ASIC2: variants seen among roughly 807,000 people sequenced by gnomAD.
ASIC2 encodes acid-sensing ion channel 2.
In ASIC2, 25 loss-of-function variants were observed where a neutral mutation model predicts 57.3. That is an observed-to-expected ratio of 0.44 (90% CI 0.32 to 0.61). The LOEUF (loss-of-function observed/expected upper bound fraction) is 0.61, where lower values mean the gene tolerates loss of function less well. Ranked by LOEUF, ASIC2 falls within the 20% of genes least tolerant of loss-of-function variation. The pLI, the probability that ASIC2 is intolerant of heterozygous loss-of-function variation, is 0.06. For synonymous variants in ASIC2, 319 were observed against 307.5 expected (o/e 1.04, Z -0.39); for missense variants, 641 against 738.1 (o/e 0.87, Z 1.52).
intron 1 of ASIC2, chr17:33,792,838 G>A (rs139512376): frequency 6.6e-6 from 1 of 152,270 alleles, no homozygotes; most frequent in African/African-American, 2.4e-5. Context: ...TCAAGAGCTT[G>A]ACTTGAGGTC....
intron 1 of ASIC2, among the ~76,000 whole-genome samples, chr17:34,119,612 G>GACAC (rs71369048): frequency 0.18 from 26,880 of 147,808 alleles, 3,072 homozygotes; most frequent in African/African-American, 0.35. Flanking sequence ...TCTCTACACA[G>GACAC]ACACACACAC....
chr17:33,688,685 G>A (rs1449280657), intron 1 of ASIC2: 1 of 152,224 alleles, frequency 6.6e-6, no homozygotes, highest in Non-Finnish European at 1.5e-5. Context: ...AGTGGCAAAA[G>A]CTGCTCTGTA....
chr17:33,241,211 G>T (rs1181936107), intron 1 of ASIC2, among the ~76,000 whole-genome samples: 1 of 152,142 alleles, frequency 6.6e-6, no homozygotes, highest in Non-Finnish European at 1.5e-5. Context: ...TTTATGAATG[G>T]GTTAACTGAG....
At chr17:33,405,704 G>A (rs1012060492) in intron 1 of ASIC2, among the ~76,000 whole-genome samples, 8 of 151,654 alleles carry the variant, frequency 5.3e-5, no homozygotes, top group Admixed American at 2.0e-4. Flanking sequence ...GGCTGGTCTC[G>A]AACCCCTGAC....
intron 1 of ASIC2, among the ~76,000 whole-genome samples, chr17:33,148,868 C>T (rs549563001): frequency 3.3e-5 from 5 of 152,224 alleles, no homozygotes; most frequent in East Asian, 3.9e-4. Flanking sequence ...CCAAGGCAGG[C>T]GGATCATCTG....
intron 3 of ASIC2, among the ~76,000 whole-genome samples, chr17:33,047,700 G>A (rs2091960839): frequency 6.6e-6 from 1 of 152,174 alleles, no homozygotes; most frequent in Non-Finnish European, 1.5e-5. Flanking sequence ...GTATATGGCT[G>A]AGGCTTTCTT....
At chr17:33,414,824 T>C (rs1910783590) in intron 1 of ASIC2, among the ~76,000 whole-genome samples, 1 of 152,240 alleles carries the variant, frequency 6.6e-6, no homozygotes, top group Non-Finnish European at 1.5e-5. Flanking sequence ...TCCCCAGATA[T>C]GCAGATCAAA....
chr17:34,050,263 C>A lies in ASIC2; in HGVS notation c.555+105715G>T, dbSNP rs372316066. Among the ~76,000 whole-genome samples the A allele has an allele frequency of 2.0e-5, 3 of 152,158 alleles. No individual in the cohort carries two copies. In the East Asian group the frequency reaches 5.8e-4, roughly 29 times the overall value. On this transcript the variant is annotated intron_variant, in intron 1 of 9. Coordinates refer to the ASIC2 transcript ENST00000359872. ...TTGCAGCAGAGATTATTTGTCACCA[C>A]TTCGTGAAAGGGCAGAAAACGGAGC...
At chr17:33,137,334 C>G (rs559974971) in intron 1 of ASIC2, among the ~76,000 whole-genome samples, 1 of 152,312 alleles carries the variant, frequency 6.6e-6, no homozygotes, top group South Asian at 2.1e-4. Flanking sequence ...TTGTGAATCT[C>G]CAAGTGGGTG....
At chr17:33,976,110 TCTC>T (rs1905375606) in intron 1 of ASIC2, among the ~76,000 whole-genome samples, 1 of 150,190 alleles carries the variant, frequency 6.7e-6, no homozygotes, top group Non-Finnish European at 1.5e-5. Context: ...CCTTCCCTGG[TCTC>T]CTTATATATT....
chr17:33,794,716 A>G (rs1490925), intron 1 of ASIC2: 104,236 of 152,042 alleles, frequency 0.69, 36,549 homozygotes, highest in Non-Finnish European at 0.77. Context: ...GTCCACAGAG[A>G]CAAACAAGCC....
At chr17:33,684,287 G>A (rs1260555772) in intron 1 of ASIC2, among the ~76,000 whole-genome samples, 1 of 152,218 alleles carries the variant, frequency 6.6e-6, no homozygotes, top group Non-Finnish European at 1.5e-5. Flanking sequence ...AGGAGCTCCA[G>A]GGGCCTAGCA....
At chr17:33,464,460 TTTCTTTCTTTCTTTCTTTTCTC>T in intron 1 of ASIC2, among the ~76,000 whole-genome samples, 1 of 71,432 alleles carries the variant, frequency 1.4e-5, no homozygotes, top group African/African-American at 7.5e-5. Flanking sequence ...TCTTTTTCTC[TTTCTTTCTTTCTTTCTTTTCTC>T]TCTTTCTTTC....
chr17:33,843,254 A>G lies in ASIC2; in HGVS notation c.555+312724T>C, dbSNP rs562884713. Among the ~76,000 whole-genome samples the G allele has an allele frequency of 1.3e-3, 192 of 152,312 alleles. 1 individual carries two copies. Among genetic ancestry groups the G allele is most frequent in the African/African-American group, 4.5e-3 (187 of 41,566 alleles). On this transcript the variant is annotated intron_variant, in intron 1 of 9. Transcript: ENST00000359872. ...CCAAGAACCTACTATGGTGCCTGGC[A>G]TATGGTAGGTGGTCAATGAACATTG...
intron 3 of ASIC2, among the ~76,000 whole-genome samples, chr17:33,079,448 G>A (rs1212512438): frequency 6.6e-6 from 1 of 152,120 alleles, no homozygotes; most frequent in Non-Finnish European, 1.5e-5. Context: ...GGGGTGTTGT[G>A]TGGGAGGCTG....
chr17:33,023,166 G>A (rs187154354), intron 6 of ASIC2, among the ~76,000 whole-genome samples: 1 of 152,218 alleles, frequency 6.6e-6, no homozygotes, highest in Non-Finnish European at 1.5e-5. Context: ...AACGTGCAAG[G>A]TCTGCCTGGA....
At chr17:34,098,494 T>C (rs141283622) in intron 1 of ASIC2, among the ~76,000 whole-genome samples, 28 of 152,234 alleles carry the variant, frequency 1.8e-4, no homozygotes, top group African/African-American at 6.7e-4. Context: ...TTGAGTTGAA[T>C]CTGAAAAATG....
intron 1 of ASIC2, among the ~76,000 whole-genome samples, chr17:33,139,618 G>T (rs1454648180): frequency 1.3e-5 from 2 of 152,144 alleles, no homozygotes; most frequent in Non-Finnish European, 2.9e-5. Flanking sequence ...GCTCTCTGCT[G>T]GTTTGTTGCT....
At chr17:33,969,119 A>G (rs945339546) in intron 1 of ASIC2, among the ~76,000 whole-genome samples, 3 of 152,164 alleles carry the variant, frequency 2.0e-5, no homozygotes. Context: ...TCTCCAGGTA[A>G]TTACAAGCAT....
Sources: gnomAD v4.1 joint callset for allele counts (sites outside exome capture counted in the v4.1 genomes callset) on GRCh38, gnomAD v4.1.1 for gene constraint, MANE v1.5 for transcripts, NCBI Gene and HGNC (gene_info 2026-07-23, HGNC 2026-07-21) for gene names.